Variants in RPS6KA5 observed in about 807,000 individuals in gnomAD.
RPS6KA5 encodes the protein ribosomal protein S6 kinase A5, also known as ribosomal protein S6 kinase alpha-5.
A neutral mutation model predicts 85.5 loss-of-function variants in RPS6KA5; 27 were observed. The observed-to-expected ratio is 0.32, with a 90% CI of 0.23 to 0.44. The LOEUF (loss-of-function observed/expected upper bound fraction) is 0.44, where lower values mean the gene tolerates loss of function less well. Ranked by LOEUF, RPS6KA5 falls within the 20% of genes least tolerant of loss-of-function variation. RPS6KA5 has a pLI of 1.00. For missense variants in RPS6KA5, 811 were observed against 980.9 expected (o/e 0.83, Z 2.31); for synonymous variants, 334 against 348.2 (o/e 0.96, Z 0.46).
intron 15 of RPS6KA5, 83 bp from the exon 16 acceptor site, chr14:90,873,878 G>A: frequency 2.5e-6 from 3 of 1,199,170 alleles, no homozygotes; most frequent in South Asian, 1.4e-5. Flanking sequence ...TCTCAGCTAT[G>A]TTCACATGAC....
intron 3 of RPS6KA5, among the ~76,000 whole-genome samples, chr14:90,965,912 G>A (rs78413256): frequency 2.4e-4 from 36 of 152,222 alleles, no homozygotes; most frequent in African/African-American, 7.5e-4. Context: ...AAAAATGCTC[G>A]GGGAGTATGA....
intron 1 of RPS6KA5, among the ~76,000 whole-genome samples, chr14:91,021,130 A>G (rs2041757192): frequency 6.6e-6 from 1 of 152,220 alleles, no homozygotes; most frequent in African/African-American, 2.4e-5. Context: ...GCTGTTCTTC[A>G]TCAAAATGTC....
intron 1 of RPS6KA5, among the ~76,000 whole-genome samples, chr14:91,034,625 G>A (rs1330445969): frequency 6.6e-6 from 1 of 152,140 alleles, no homozygotes; most frequent in Admixed American, 6.5e-5. Context: ...AACAAATAAG[G>A]GAATAAAAGC....
chr14:90,916,379 T>C lies in RPS6KA5; in HGVS notation c.806+3827A>G, dbSNP rs542579416. On this transcript the variant is annotated intron_variant, in intron 7 of 16. Coordinates refer to ENST00000614987, the MANE Select transcript of RPS6KA5 (RefSeq NM_004755.4). Reference sequence around the variant, plus strand: ...ATATACTAGAAAAACATTTTTATTCTAGGCTACCTGTAGACAAAAATGGCG... The same window carrying C: ...ATATACTAGAAAAACATTTTTATTCCAGGCTACCTGTAGACAAAAATGGCG... Among the ~76,000 whole-genome samples the C allele has an allele frequency of 3.8e-3, 577 of 152,326 alleles. 5 individuals are homozygous for C. Among genetic ancestry groups the C allele is most frequent in the Non-Finnish European group, 6.0e-3 (411 of 68,018 alleles).
chr14:90,947,494 C>T lies in RPS6KA5; in HGVS notation c.451G>A (p.Glu151Lys). The change falls in exon 4 of 17, where the codon GAG becomes AAG. Residue 151 changes from glutamate (E) to lysine (K), a missense_variant. Physicochemically the swap from Glu to Lys is moderately conservative, Grantham distance 56. Around this residue, in one of 3 missense-constraint regions of RPS6KA5, gnomAD observed 650 missense variants for 793.4 expected, o/e 0.82. Coordinates refer to ENST00000614987, the MANE Select transcript of RPS6KA5 (RefSeq NM_004755.4). The stretch of plus-strand genomic sequence containing the variant: ...CCAACATAAATCTGCACCTCATGCT[C>T]TGTGAAACGCTCTCTTTGAGAAAGA... ...THLSQRERFT[E>K]HEVQIYVGEI... 1 of 1,612,954 alleles carries T rather than the reference C, an allele frequency of 6.2e-7. No individual in the cohort carries two copies. Among genetic ancestry groups the T allele is most frequent in the Non-Finnish European group, 8.5e-7 (1 of 1,179,026 alleles).
intron 3 of RPS6KA5, 27 bp downstream of exon 3, chr14:90,978,279 A>T: frequency 1.3e-6 from 2 of 1,540,032 alleles, no homozygotes; most frequent in Non-Finnish European, 1.8e-6. Flanking sequence ...TGTTTTCATA[A>T]AAAGTCTGAT....
chr14:90,983,214 T>G (rs1361473141), intron 2 of RPS6KA5, among the ~76,000 whole-genome samples: 1 of 149,994 alleles, frequency 6.7e-6, no homozygotes, highest in Non-Finnish European at 1.5e-5. Flanking sequence ...GAGGCAAAGG[T>G]TGCAGTTAGC....
At chr14:90,881,786 CCACTG>C (rs1279832352) in intron 14 of RPS6KA5, among the ~76,000 whole-genome samples, 12 of 152,200 alleles carry the variant, frequency 7.9e-5, no homozygotes, top group Admixed American at 7.9e-4. Flanking sequence ...CAGGCTTGAG[CCACTG>C]CACTCAGCCC....
At chr14:90,904,927 G>A (rs934831377) in intron 8 of RPS6KA5, among the ~76,000 whole-genome samples, 3 of 152,184 alleles carry the variant, frequency 2.0e-5, no homozygotes, top group Non-Finnish European at 2.9e-5. Flanking sequence ...ATGATTGGGT[G>A]TACTTTGCTC....
chr14:90,878,183 C>T (rs1051186812), intron 14 of RPS6KA5, among the ~76,000 whole-genome samples: 1 of 152,170 alleles, frequency 6.6e-6, no homozygotes, highest in Non-Finnish European at 1.5e-5. Context: ...ATCACTGTAT[C>T]CCCTGAACCT....
chr14:91,035,409 C>A (rs2042356987), intron 1 of RPS6KA5, among the ~76,000 whole-genome samples: 1 of 151,992 alleles, frequency 6.6e-6, no homozygotes, highest in African/African-American at 2.4e-5. Context: ...TGGACTTAGA[C>A]AAAGCAAGAC....
In RPS6KA5 at chr14:90,980,125, T is replaced by G. The variant is rs548293032; in HGVS notation, c.176-1601A>C. Among the ~76,000 whole-genome samples, 15 of 152,330 alleles carry G rather than the reference T, an allele frequency of 9.8e-5. No individual in the cohort carries two copies. The East Asian group carries it at 2.9e-3, about 29-fold the overall frequency. ...ATCAACAAGATGAAATGACAACTTT[T>G]GGAACCTAACAAATTAGGGTATACA... On this transcript the variant is annotated intron_variant, in intron 2 of 16. Transcript: ENST00000614987.
intron 9 of RPS6KA5, among the ~76,000 whole-genome samples, chr14:90,901,812 A>T (rs1345045180): frequency 6.6e-6 from 1 of 150,894 alleles, no homozygotes; most frequent in Non-Finnish European, 1.5e-5. Context: ...ATAAAATCTA[A>T]ATCTTTTTTT....
At chr14:91,037,624 TCTC>T (rs1341194328) in intron 1 of RPS6KA5, among the ~76,000 whole-genome samples, 1 of 152,096 alleles carries the variant, frequency 6.6e-6, no homozygotes, top group East Asian at 1.9e-4. Flanking sequence ...AACTCTCTCT[TCTC>T]TGTGAGTTCT....
intron 3 of RPS6KA5, among the ~76,000 whole-genome samples, chr14:90,963,172 T>C (rs1200536009): frequency 3.3e-5 from 5 of 152,208 alleles, no homozygotes; most frequent in African/African-American, 9.6e-5. Context: ...TTTTGTGGAC[T>C]AACTCTGAAT....
chr14:90,964,791 T>C, intron 3 of RPS6KA5, among the ~76,000 whole-genome samples: 1 of 151,294 alleles, frequency 6.6e-6, no homozygotes, highest in Non-Finnish European at 1.5e-5. Flanking sequence ...GGTGTGCACC[T>C]ATAGTCCCAG....
chr14:91,025,727 G>C (rs1397648566), intron 1 of RPS6KA5, among the ~76,000 whole-genome samples: 1 of 150,716 alleles, frequency 6.6e-6, no homozygotes. Flanking sequence ...GAGTCTCTCA[G>C]AGGTGTTCTA....
intron 7 of RPS6KA5, among the ~76,000 whole-genome samples, chr14:90,911,138 A>C (rs2035796829): frequency 6.6e-6 from 1 of 151,322 alleles, no homozygotes; most frequent in African/African-American, 2.5e-5. Context: ...TTATTTGTCT[A>C]TTATTTATCT....
At chr14:90,874,860 T>C (rs2033347966) in intron 15 of RPS6KA5, among the ~76,000 whole-genome samples, 1 of 152,140 alleles carries the variant, frequency 6.6e-6, no homozygotes, top group Admixed American at 6.5e-5. Flanking sequence ...GGTTTCTGTT[T>C]TGGTGATCTG....
Sources: allele counts gnomAD v4.1 joint callset (sites outside exome capture counted in the v4.1 genomes callset), GRCh38; gene constraint gnomAD v4.1.1; regional missense constraint gnomAD v4.1.1; transcripts MANE v1.5; gene names NCBI Gene and HGNC (gene_info 2026-07-23, HGNC 2026-07-21).